ZNF738: variants seen among roughly 807,000 people sequenced by gnomAD.
The protein encoded by ZNF738 is zinc finger protein 738.
ZNF738 carries 10 observed loss-of-function variants against 9.2 expected under a neutral mutation model. That is an observed-to-expected ratio of 1.09 (90% CI 0.67 to 1.85). The LOEUF (loss-of-function observed/expected upper bound fraction) is 1.85, where lower values mean the gene tolerates loss of function less well. ZNF738 is among the 40% of genes most tolerant of loss of function. The pLI is 0.00. For synonymous variants in ZNF738, 113 were observed against 94.5 expected (o/e 1.20, Z -1.14); for missense variants, 346 against 283.6 (o/e 1.22, Z -1.58).
intron 4 of ZNF738, chr19:21,381,673 T>G: frequency 4.8e-6 from 2 of 417,446 alleles, no homozygotes; most frequent in Non-Finnish European, 8.8e-6. Context: ...TTTTGTATTT[T>G]TAGTAGAGAT....
chr19:21,388,425 G>T lies in ZNF738; in HGVS notation c.*4751G>T, dbSNP rs1974093142. Among the ~76,000 whole-genome samples, 1 of 152,128 alleles carries T rather than the reference G, an allele frequency of 6.6e-6. No individual in the cohort carries two copies. Among genetic ancestry groups the T allele is most frequent in the Non-Finnish European group, 1.5e-5 (1 of 68,000 alleles). Reference sequence around the variant, plus strand: ...AGATGCATGATGAAAAAGTGGAGAGGTTCTTTGTGGTTAACTTATACTCTT... The same window carrying T: ...AGATGCATGATGAAAAAGTGGAGAGTTTCTTTGTGGTTAACTTATACTCTT... On this transcript the variant is annotated 3_prime_UTR_variant, in exon 5 of 5. Coordinates refer to ENST00000683779, the MANE Select transcript of ZNF738 (RefSeq NM_001355237.2).
intron 4 of ZNF738, among the ~76,000 whole-genome samples, chr19:21,379,757 C>G (rs1205733744): frequency 1.3e-5 from 2 of 151,888 alleles, no homozygotes; most frequent in Non-Finnish European, 2.9e-5. Context: ...TACATACATA[C>G]AGTATTGCAC....
At chr19:21,381,279 C>T in intron 4 of ZNF738, 2 of 1,591,834 alleles carry the variant, frequency 1.3e-6, no homozygotes, top group Non-Finnish European at 1.7e-6. Context: ...TTATTGAACA[C>T]AAACTCACTG....
intron 4 of ZNF738, among the ~76,000 whole-genome samples, chr19:21,382,653 C>T (rs1231515574): frequency 2.6e-5 from 4 of 152,074 alleles, no homozygotes; most frequent in Non-Finnish European, 4.4e-5. Context: ...ACTTGGGGTA[C>T]TTTAAACATT....
At chr19:21,359,307 C>T (rs1289869042) in intron 1 of ZNF738, among the ~76,000 whole-genome samples, 164 bp downstream of exon 1, 1 of 152,216 alleles carries the variant, frequency 6.6e-6, no homozygotes, top group Non-Finnish European at 1.5e-5. Flanking sequence ...CATAAGATGG[C>T]GGTTGCGCCG....
At chr19:21,372,234 GC>G (rs1452386495) in intron 2 of ZNF738, 1 of 152,148 alleles carries the variant, frequency 6.6e-6, no homozygotes, top group African/African-American at 2.4e-5. Flanking sequence ...GAGCCACCGT[GC>G]CAGGCTGGGA....
At chr19:21,381,017 G>T (rs763278545) in intron 4 of ZNF738, among the ~76,000 whole-genome samples, 1 of 152,142 alleles carries the variant, frequency 6.6e-6, no homozygotes, top group South Asian at 2.1e-4. Flanking sequence ...GAGAGTGATG[G>T]CTTCTCATTT....
chr19:21,379,419 G>C (rs1973979591), intron 4 of ZNF738: 1 of 152,118 alleles, frequency 6.6e-6, no homozygotes, highest in Admixed American at 6.5e-5. Context: ...AATGTGTCTT[G>C]CCTGAAATTT....
At chr19:21,377,236 G>T (rs1599718007) in intron 4 of ZNF738, among the ~76,000 whole-genome samples, 1 of 151,984 alleles carries the variant, frequency 6.6e-6, no homozygotes, top group Non-Finnish European at 1.5e-5. Flanking sequence ...GAACCCAGGA[G>T]GCGGAGGTTG....
At position 21,383,283 on chromosome 19, in the gene ZNF738, C is replaced by G. The variant is rs1259709588; in HGVS notation, c.737C>G (p.Thr246Ser). Residue 246 changes from threonine to serine, a missense_variant, in exon 5 of 5, where the codon ACC (threonine) becomes AGC (serine). Coordinates refer to ENST00000683779, the MANE Select transcript of ZNF738 (RefSeq NM_001355237.2). ...ECGKAFKWFS[T>S]LTRHKRIHTG... ...GGCAAAGCCTTTAAATGGTTCTCAA[C>G]CCTTACTAGACACAAGAGAATTCAT... 8.3e-6 allele frequency: 13 copies of G among 1,558,512 alleles called. No homozygotes were observed. The highest frequency in any genetic ancestry group is 1.1e-5 in the Non-Finnish European group (13 of 1,137,644).
rs139471127 is a variant in ZNF738, at chr19:21,366,663, T to C, written c.96+4805T>C. On this transcript the variant is annotated intron_variant, in intron 2 of 4. Coordinates refer to ENST00000683779, the MANE Select transcript of ZNF738 (RefSeq NM_001355237.2). Reference sequence around the variant, plus strand: ...GAAATAAAAGAAATGGCTTTCTCCATAGGCTGGTTGCACATTTTTATGTTT... The same window carrying C: ...GAAATAAAAGAAATGGCTTTCTCCACAGGCTGGTTGCACATTTTTATGTTT... 1.7e-3 allele frequency among the ~76,000 whole-genome samples: 252 copies of C among 152,348 alleles called. 1 individual carries two copies. The highest frequency in any genetic ancestry group is 5.7e-3 in the African/African-American group (237 of 41,586).
At position 21,381,013 on chromosome 19, in the gene ZNF738, G is replaced by A. The variant is rs529919040; in HGVS notation, c.320-1853G>A. ...GAGACCTAAATGATCCAAGGAGAGT[G>A]ATGGCTTCTCATTTTCTGTCCCCTA... is the stretch of plus-strand genomic sequence containing the variant. On this transcript the variant is annotated intron_variant, in intron 4 of 4. Coordinates refer to ENST00000683779, the MANE Select transcript of ZNF738 (RefSeq NM_001355237.2). Among the ~76,000 whole-genome samples the A allele has an allele frequency of 2.0e-5, 3 of 152,288 alleles. No individual in the cohort carries two copies. The East Asian group carries it at 5.8e-4, about 29-fold the overall frequency.
At position 21,388,208 on chromosome 19, in the gene ZNF738, CT is replaced by C. The variant is rs1422939681; in HGVS notation, c.*4537del. Among the ~76,000 whole-genome samples the C allele has an allele frequency of 6.6e-6, 1 of 152,046 alleles. No homozygotes were observed. Among genetic ancestry groups the C allele is most frequent in the African/African-American group, 2.4e-5 (1 of 41,420 alleles). On this transcript the variant is annotated 3_prime_UTR_variant, in exon 5 of 5. Transcript: ENST00000683779. ...GAGTAATAACTACATTCTAAGTATA[CT>C]TTATTTCTTGAAAAAATTACAGACT...
At position 21,383,421 on chromosome 19, in the gene ZNF738, A is replaced by C. The variant is rs79816688; in HGVS notation, c.875A>C (p.Lys292Thr). ...HAGEKHYKCE[K>T]CGKDFKQSSH... ...GGAGAGAAACACTACAAATGTGAAAAATGTGGCAAAGATTTTAAACAGTCC... is the reference window on the plus strand; with the variant it reads ...GGAGAGAAACACTACAAATGTGAAACATGTGGCAAAGATTTTAAACAGTCC... The change falls in exon 5 of 5, where the codon AAA becomes ACA. Residue 292 changes from lysine (K) to threonine (T), a missense_variant. Coordinates refer to ENST00000683779, the MANE Select transcript of ZNF738 (RefSeq NM_001355237.2). The C allele has an allele frequency of 5.3e-6, 3 of 561,474 alleles. No individual in the cohort carries two copies. The highest frequency in any genetic ancestry group is 9.3e-6 in the Non-Finnish European group (3 of 322,728). The allele number at this position is 561,474 out of a possible 1,614,324, so 34.8% of individuals were successfully genotyped here.
At position 21,381,289 on chromosome 19, in the gene ZNF738, G is replaced by A. The variant is rs554460300; in HGVS notation, c.320-1577G>A. 309 of 1,590,166 alleles carry A rather than the reference G, an allele frequency of 1.9e-4. 3 individuals carry two copies. In the East Asian group the frequency reaches 5.8e-3, roughly 30 times the overall value. On this transcript the variant is annotated intron_variant, in intron 4 of 4. Coordinates refer to ENST00000683779, the MANE Select transcript of ZNF738 (RefSeq NM_001355237.2). Reference sequence around the variant, plus strand: ...TTGGGTTATTGAACACAAACTCACTGGATAATTTGTCTTCAACATAGTCCA... The same window carrying A: ...TTGGGTTATTGAACACAAACTCACTAGATAATTTGTCTTCAACATAGTCCA...
chr19:21,380,677 G>A (rs1402687538), intron 4 of ZNF738, among the ~76,000 whole-genome samples: 1 of 152,170 alleles, frequency 6.6e-6, no homozygotes, highest in Admixed American at 6.5e-5. Flanking sequence ...TATAGTTGAA[G>A]AAAATCTTTG....
intron 2 of ZNF738, among the ~76,000 whole-genome samples, chr19:21,374,835 A>C (rs1350499237): frequency 6.6e-6 from 1 of 152,212 alleles, no homozygotes; most frequent in Non-Finnish European, 1.5e-5. Context: ...CTGAAAAAAA[A>C]AAATCTGCAT....
chr19:21,364,078 C>T (rs2928216), intron 2 of ZNF738, among the ~76,000 whole-genome samples: 143,137 of 150,378 alleles, frequency 0.95, 68,370 homozygotes, highest in Middle Eastern at 1. Context: ...GCACCTGTAG[C>T]CCCAGTGACT....
At chr19:21,374,640 T>C (rs894938636) in intron 2 of ZNF738, among the ~76,000 whole-genome samples, 1 of 152,234 alleles carries the variant, frequency 6.6e-6, no homozygotes, top group African/African-American at 2.4e-5. Context: ...TTAGGTTTTC[T>C]TTGCATATGT....
Sources: gnomAD v4.1 joint callset for allele counts (sites outside exome capture counted in the v4.1 genomes callset) on GRCh38, gnomAD v4.1.1 for gene constraint, MANE v1.5 for transcripts, NCBI Gene and HGNC (gene_info 2026-07-23, HGNC 2026-07-21) for gene names.